MALRD1: variants seen among roughly 807,000 people sequenced by gnomAD.
MALRD1 encodes MAM and LDL receptor class A domain containing 1.
MALRD1 carries 247 observed loss-of-function variants against 242.1 expected under a neutral mutation model. The ratio of observed to expected loss-of-function variants is 1.02; its 90% CI spans 0.92 to 1.13. MALRD1 has a LOEUF of 1.13. Ranked by LOEUF, MALRD1 falls within the 50% of genes most tolerant of loss-of-function variation. MALRD1 has a pLI of 0.00. For synonymous variants in MALRD1, 995 were observed against 866.6 expected (o/e 1.15, Z -2.60); for missense variants, 2,989 against 2,533.1 (o/e 1.18, Z -3.86).
chr10:19,434,531 A>G (rs914028099), intron 28 of MALRD1, among the ~76,000 whole-genome samples: 4 of 152,106 alleles, frequency 2.6e-5, no homozygotes, highest in Middle Eastern at 3.4e-3. Flanking sequence ...TAACTTTTCT[A>G]TTACTCAATT....
chr10:19,242,532 T>C (rs12266614), intron 18 of MALRD1, among the ~76,000 whole-genome samples: 2,443 of 152,232 alleles, frequency 0.016, 82 homozygotes, highest in African/African-American at 0.056. Flanking sequence ...AATTTCCTAC[T>C]AATATTGTAT....
intron 36 of MALRD1, among the ~76,000 whole-genome samples, chr10:19,682,777 G>T (rs1036711145): frequency 6.6e-6 from 1 of 152,164 alleles, no homozygotes; most frequent in Non-Finnish European, 1.5e-5. Context: ...GCTGACAGAG[G>T]CTCAGCATAT....
At chr10:19,077,537 T>A (rs973589411) in intron 2 of MALRD1, among the ~76,000 whole-genome samples, 1 of 151,960 alleles carries the variant, frequency 6.6e-6, no homozygotes, top group African/African-American at 2.4e-5. Context: ...TTTGGAGTTC[T>A]GAATCATCAT....
At chr10:19,127,371 G>A (rs1837315597) in intron 7 of MALRD1, among the ~76,000 whole-genome samples, 1 of 152,138 alleles carries the variant, frequency 6.6e-6, no homozygotes, top group African/African-American at 2.4e-5. Flanking sequence ...TTACGTTTAT[G>A]CAGTTAAGGA....
At chr10:19,719,523 A>G (rs1834642878) in intron 38 of MALRD1, among the ~76,000 whole-genome samples, 1 of 151,864 alleles carries the variant, frequency 6.6e-6, no homozygotes, top group Admixed American at 6.6e-5. Context: ...TGGTCAGCAT[A>G]TTTACTTCCT....
rs1836698481 is a variant in MALRD1 at position 19,204,403 on chromosome 10, C to T, written c.2200C>T (p.Leu734Phe). ...CAGCCAGACAGGACCTGGATGCATA[C>T]TTTCCTTCTGGTAAATATTAAACAA... ...TFSQTGPGCI[L>F]SFWFYNYGLS... Residue 734 changes from leucine to phenylalanine, a missense_variant, in exon 16 of 40, where the codon CTT (leucine) becomes TTT (phenylalanine). Coordinates refer to ENST00000454679, the MANE Select transcript of MALRD1 (RefSeq NM_001142308.3). 1 of 1,536,660 alleles carries T rather than the reference C, an allele frequency of 6.5e-7. No homozygotes were observed. The highest frequency in any genetic ancestry group is 8.8e-7 in the Non-Finnish European group (1 of 1,140,012).
intron 28 of MALRD1, among the ~76,000 whole-genome samples, chr10:19,449,315 T>C (rs998331897): frequency 2.6e-5 from 4 of 152,206 alleles, no homozygotes; most frequent in African/African-American, 4.8e-5. Context: ...TAGCTGGGAC[T>C]ACTGGCGTGT....
intron 33 of MALRD1, among the ~76,000 whole-genome samples, chr10:19,591,732 A>G (rs924562469): frequency 1.3e-5 from 2 of 152,098 alleles, no homozygotes; most frequent in African/African-American, 2.4e-5. Flanking sequence ...TCCTCACCTC[A>G]GATGATCTGC....
intron 36 of MALRD1, 135 bp from the exon 37 acceptor site, chr10:19,692,147 G>A (rs564617415): frequency 3.0e-6 from 2 of 673,504 alleles, no homozygotes; most frequent in Non-Finnish European, 2.3e-6. Flanking sequence ...AAAGTTTTTG[G>A]TTTTTTATCA....
At chr10:19,214,159 G>A (rs1014198916) in intron 18 of MALRD1, among the ~76,000 whole-genome samples, 7 of 152,038 alleles carry the variant, frequency 4.6e-5, no homozygotes, top group East Asian at 1.9e-4. Flanking sequence ...CCTTCTTCTC[G>A]GAAACCTTGT....
intron 7 of MALRD1, among the ~76,000 whole-genome samples, chr10:19,125,190 C>A (rs554950563): frequency 1.7e-4 from 26 of 151,946 alleles, no homozygotes; most frequent in African/African-American, 4.8e-4. Flanking sequence ...AAGTGATCCA[C>A]CCACCTTAGC....
chr10:19,264,368 C>T (rs1445487970), intron 19 of MALRD1, among the ~76,000 whole-genome samples: 1 of 151,826 alleles, frequency 6.6e-6, no homozygotes, highest in Non-Finnish European at 1.5e-5. Context: ...CTATATTCAT[C>T]AGTCATATTG....
rs191131939 is a variant in MALRD1, at chr10:19,665,661, G to A, written c.6138-26621G>A. On this transcript the variant is annotated intron_variant, in intron 36 of 39. Transcript: ENST00000454679. ...AGCTTCCCTGAAATTCTACTAAAAC[G>A]TGGGCATTCAGGGCTTTAACTTAAA... Among the ~76,000 whole-genome samples the A allele has an allele frequency of 1.4e-4, 22 of 152,056 alleles. No individual in the cohort carries two copies. The East Asian group carries it at 3.7e-3, about 25-fold the overall frequency.
At chr10:19,300,064 A>G (rs1167377329) in intron 21 of MALRD1, among the ~76,000 whole-genome samples, 1 of 151,972 alleles carries the variant, frequency 6.6e-6, no homozygotes, top group Non-Finnish European at 1.5e-5. Flanking sequence ...TAACATTTCT[A>G]TATGCCAACA....
chr10:19,326,469 A>AT (rs981655195), intron 22 of MALRD1, among the ~76,000 whole-genome samples: 1 of 152,028 alleles, frequency 6.6e-6, no homozygotes, highest in Non-Finnish European at 1.5e-5. Flanking sequence ...TCTTGAACAT[A>AT]TTTTTTCTCA....
intron 38 of MALRD1, among the ~76,000 whole-genome samples, chr10:19,699,964 A>G (rs1833549181): frequency 6.6e-6 from 1 of 151,890 alleles, no homozygotes; most frequent in Non-Finnish European, 1.5e-5. Context: ...CTATTAATAT[A>G]TCATAGTATA....
At chr10:19,456,916 G>C (rs918146827) in intron 29 of MALRD1, among the ~76,000 whole-genome samples, 24 of 151,908 alleles carry the variant, frequency 1.6e-4, no homozygotes, top group African/African-American at 5.8e-4. Flanking sequence ...GGGATTACAG[G>C]CATGCACCAC....
chr10:19,095,559 C>G (rs1835996085), intron 4 of MALRD1, among the ~76,000 whole-genome samples: 2 of 151,952 alleles, frequency 1.3e-5, no homozygotes, highest in African/African-American at 4.8e-5. Flanking sequence ...TAATTTGGGG[C>G]TCTTGGATGT....
chr10:19,549,104 G>A (rs1162711957), intron 32 of MALRD1, among the ~76,000 whole-genome samples: 1 of 152,192 alleles, frequency 6.6e-6, no homozygotes, highest in Admixed American at 6.5e-5. Flanking sequence ...TTAAGCCAAA[G>A]CCTAATCCAG....
Sources: gnomAD v4.1 joint callset for allele counts (sites outside exome capture counted in the v4.1 genomes callset) on GRCh38, gnomAD v4.1.1 for gene constraint, MANE v1.5 for transcripts, NCBI Gene and HGNC (gene_info 2026-07-23, HGNC 2026-07-21) for gene names.